Variants in EIF3A observed in about 807,000 individuals in gnomAD.
EIF3A encodes eukaryotic translation initiation factor 3 subunit A, also known as EIF3, p180 subunit.
EIF3A carries 21 observed loss-of-function variants against 186.6 expected under a neutral mutation model. That is an observed-to-expected ratio of 0.11 (90% CI 0.08 to 0.16). The LOEUF is 0.16. Among genes scored for constraint, EIF3A ranks in the 10% least tolerant of loss-of-function variants. The pLI, the probability that EIF3A is intolerant of heterozygous loss-of-function variation, is 1.00. For synonymous variants in EIF3A, 563 were observed against 584.3 expected (o/e 0.96, Z 0.52); for missense variants, 1,306 against 1,796.3 (o/e 0.73, Z 4.93).
At chr10:119,046,934 G>T (rs1405609516) in intron 17 of EIF3A, among the ~76,000 whole-genome samples, 1 of 151,470 alleles carries the variant, frequency 6.6e-6, no homozygotes, top group Non-Finnish European at 1.5e-5. Flanking sequence ...TCCAGCCCGG[G>T]CAAAAAGGGC....
intron 6 of EIF3A, 101 bp from the exon 7 acceptor site, chr10:119,065,671 G>T (rs1843961240): frequency 3.8e-6 from 3 of 786,828 alleles, no homozygotes; most frequent in Non-Finnish European, 6.4e-6. Flanking sequence ...GCTAGTGACA[G>T]AACGTGTACA....
intron 1 of EIF3A, 95 bp from the exon 2 acceptor site, chr10:119,074,032 T>A: frequency 9.5e-7 from 1 of 1,054,910 alleles, no homozygotes; most frequent in Non-Finnish European, 1.3e-6. Flanking sequence ...CCCAACTCAT[T>A]ACCAACTTTT....
intron 17 of EIF3A, among the ~76,000 whole-genome samples, chr10:119,049,234 C>T (rs898443846): frequency 6.6e-6 from 1 of 152,114 alleles, no homozygotes. Flanking sequence ...CCAAGGCAAG[C>T]AGATTGTTTG....
intron 5 of EIF3A, among the ~76,000 whole-genome samples, chr10:119,069,894 GA>G (rs1844043827): frequency 1.3e-5 from 2 of 151,588 alleles, no homozygotes; most frequent in South Asian, 4.1e-4. Context: ...GCAGACTCAA[GA>G]AAATATTTGC....
intron 5 of EIF3A, among the ~76,000 whole-genome samples, chr10:119,069,896 A>G (rs1446561147): frequency 6.6e-6 from 1 of 151,828 alleles, no homozygotes; most frequent in South Asian, 2.1e-4. Flanking sequence ...AGACTCAAGA[A>G]AATATTTGCA....
At chr10:119,078,027 C>A (rs563824733) in intron 1 of EIF3A, among the ~76,000 whole-genome samples, 1 of 152,236 alleles carries the variant, frequency 6.6e-6, no homozygotes, top group East Asian at 1.9e-4. Flanking sequence ...TTGGAGCATA[C>A]CTTTCAAATT....
chr10:119,070,795 A>G (rs1023141044), intron 5 of EIF3A, 91 bp downstream of exon 5: 23 of 879,306 alleles, frequency 2.6e-5, no homozygotes, highest in Non-Finnish European at 3.9e-5. Flanking sequence ...AAATTAACCA[A>G]TGCATACCAA....
intron 7 of EIF3A, among the ~76,000 whole-genome samples, chr10:119,062,154 T>C (rs1277434868): frequency 6.6e-6 from 1 of 152,128 alleles, no homozygotes; most frequent in Non-Finnish European, 1.5e-5. Flanking sequence ...CAATAAGGTG[T>C]GGTATATGCA....
chr10:119,061,921 C>A (rs561703664), intron 7 of EIF3A, among the ~76,000 whole-genome samples: 1 of 152,162 alleles, frequency 6.6e-6, no homozygotes, highest in African/African-American at 2.4e-5. Flanking sequence ...AACCCAAGGA[C>A]AAAATAACTG....
At chr10:119,062,743 CTTTTTTT>C (rs372690463) in intron 7 of EIF3A, among the ~76,000 whole-genome samples, 1 of 91,048 alleles carries the variant, frequency 1.1e-5, no homozygotes, top group East Asian at 3.6e-4. Context: ...AAGAGATCAC[CTTTTTTT>C]TTTTTTTTTT....
chr10:119,042,402 G>A lies in EIF3A; in HGVS notation c.3118C>T (p.Arg1040Cys), dbSNP rs368710619. The A allele has an allele frequency of 2.4e-5, 39 of 1,613,944 alleles. No homozygotes were observed. The highest frequency in any genetic ancestry group is 7.7e-5 in the South Asian group (7 of 91,074). The change falls in exon 19 of 22, where the codon CGT (arginine) becomes TGT (cysteine). Residue 1040 changes from arginine (R) to cysteine (C), a missense_variant. Arg to Cys is a radical substitution (Grantham distance 180). Coordinates refer to ENST00000369144, the MANE Select transcript of EIF3A (RefSeq NM_003750.4). The surrounding 1 kb of genome is among the most constrained non-coding windows in gnomAD (Gnocchi z 7.8). Reference sequence around the variant, plus strand: ...GGCCCCCGGTCATCATCCATCCCACGTCTTGGTCCTCTGTCCTCATCAGCT... The same window carrying A: ...GGCCCCCGGTCATCATCCATCCCACATCTTGGTCCTCTGTCCTCATCAGCT... ...RTADEDRGPR[R>C]GMDDDRGPRR...
chr10:119,060,280 ATT>A, intron 9 of EIF3A: 2 of 416,428 alleles, frequency 4.8e-6, no homozygotes, highest in Non-Finnish European at 9.2e-6. Context: ...TGGGGGGTCT[ATT>A]AATCCAGGCT....
intron 14 of EIF3A, among the ~76,000 whole-genome samples, chr10:119,052,877 G>A (rs1009543738): frequency 5.9e-5 from 9 of 152,122 alleles, no homozygotes; most frequent in Non-Finnish European, 1.3e-4. Context: ...GGTTTTCAAC[G>A]TACTTTGCCC....
At chr10:119,052,192 T>C (rs999118713) in intron 14 of EIF3A, among the ~76,000 whole-genome samples, 4 of 152,214 alleles carry the variant, frequency 2.6e-5, no homozygotes, top group African/African-American at 9.6e-5. Flanking sequence ...ACTACACTTA[T>C]GGAATATTCT....
intron 6 of EIF3A, 77 bp from the exon 7 acceptor site, chr10:119,065,647 T>TTAC: frequency 9.4e-7 from 1 of 1,063,154 alleles, no homozygotes; most frequent in Non-Finnish European, 1.4e-6. Flanking sequence ...CTCTTTAATC[T>TTAC]TACGGTAAGG....
intron 7 of EIF3A, among the ~76,000 whole-genome samples, chr10:119,062,840 C>T (rs1357472420): frequency 6.0e-5 from 9 of 150,786 alleles, no homozygotes; most frequent in Admixed American, 2.7e-4. Context: ...CTATGCCTCC[C>T]GGGTTCAAGC....
chr10:119,060,172 C>A (rs372922066), intron 9 of EIF3A: 14 of 497,388 alleles, frequency 2.8e-5, no homozygotes, highest in African/African-American at 2.4e-4. Context: ...AAAACGCCCT[C>A]CTTCCCAAAT....
intron 9 of EIF3A, 98 bp downstream of exon 9, chr10:119,060,648 G>A: frequency 2.7e-6 from 2 of 752,486 alleles, no homozygotes; most frequent in Non-Finnish European, 4.2e-6. Context: ...AGAACTTGGG[G>A]AGGTTCTCAC....
intron 1 of EIF3A, among the ~76,000 whole-genome samples, chr10:119,074,971 A>G (rs1280597329): frequency 2.2e-4 from 29 of 130,252 alleles, no homozygotes; most frequent in African/African-American, 7.3e-4. Flanking sequence ...AAGCAAAATA[A>G]CTTATTTTTT....
Sources: allele counts gnomAD v4.1 joint callset (sites outside exome capture counted in the v4.1 genomes callset), GRCh38; gene constraint gnomAD v4.1.1; non-coding constraint Gnocchi (gnomAD v3.1); transcripts MANE v1.5; gene names NCBI Gene and HGNC (gene_info 2026-07-23, HGNC 2026-07-21).